The following EVL variants were observed in gnomAD, a reference collection of about 807,000 sequenced individuals.
The protein encoded by EVL is ena/VASP-like protein.
In EVL, 21 loss-of-function variants were observed where a neutral mutation model predicts 59.6. The ratio of observed to expected loss-of-function variants is 0.35; its 90% CI spans 0.25 to 0.51. The LOEUF is 0.51. EVL is among the 20% of genes least tolerant of loss of function. The probability of loss-of-function intolerance (pLI) is 0.97; values close to 1 mark genes in which losing one functional copy is unlikely to be tolerated. For missense variants in EVL, 462 were observed against 546.6 expected, an observed-to-expected ratio of 0.85 and a Z score of 1.54; for synonymous variants, 198 against 203.5, an observed-to-expected ratio of 0.97 and a Z score of 0.23.
intron 1 of EVL, among the ~76,000 whole-genome samples, chr14:100,067,605 A>C (rs1456108748): frequency 6.6e-6 from 1 of 151,872 alleles, no homozygotes; most frequent in Non-Finnish European, 1.5e-5. Flanking sequence ...CACCACACCC[A>C]GCTAGCATTG....
intron 1 of EVL, among the ~76,000 whole-genome samples, chr14:100,081,283 C>T (rs1014250864): frequency 7.2e-5 from 11 of 151,982 alleles, no homozygotes; most frequent in Non-Finnish European, 1.0e-4. Flanking sequence ...GAGGCAATGT[C>T]GAGGTTAGAT....
chr14:100,034,100 G>T (rs991163016), intron 1 of EVL, among the ~76,000 whole-genome samples: 2 of 151,838 alleles, frequency 1.3e-5, no homozygotes, highest in Admixed American at 1.3e-4. Context: ...AACAGGCGTG[G>T]TGATGGGTGC....
chr14:100,099,195 AAAAAG>A (rs1395832513), intron 3 of EVL, among the ~76,000 whole-genome samples: 1 of 151,830 alleles, frequency 6.6e-6, no homozygotes, highest in African/African-American at 2.4e-5. Flanking sequence ...AAAAAAAAAA[AAAAAG>A]AAAAAGTGTG....
chr14:100,002,510 A>G lies in EVL; in HGVS notation c.5+30453A>G, dbSNP rs559287869. Among the ~76,000 whole-genome samples the G allele has an allele frequency of 7.2e-4, 109 of 152,336 alleles. 1 individual carries two copies. Among genetic ancestry groups the G allele is most frequent in the Middle Eastern group, 3.4e-3 (1 of 294 alleles). Reference sequence around the variant, plus strand: ...TTATAGGAGTTTCCTATAATTTTGCAACACATACCAATAACATTTATACAA... The same window carrying G: ...TTATAGGAGTTTCCTATAATTTTGCGACACATACCAATAACATTTATACAA... On this transcript the variant is annotated intron_variant, in intron 1 of 13. Coordinates refer to the EVL transcript ENST00000402714.
At chr14:99,998,207 C>G (rs1377400194) in intron 1 of EVL, among the ~76,000 whole-genome samples, 1 of 151,878 alleles carries the variant, frequency 6.6e-6, no homozygotes, top group African/African-American at 2.4e-5. Flanking sequence ...ATTTGTAGAA[C>G]CATGGACTTA....
At chr14:100,005,101 A>G (rs1017690795) in intron 1 of EVL, among the ~76,000 whole-genome samples, 1 of 152,262 alleles carries the variant, frequency 6.6e-6, no homozygotes, top group South Asian at 2.1e-4. Context: ...TAACAGAGAC[A>G]GTGAAAAAGA....
intron 2 of EVL, among the ~76,000 whole-genome samples, chr14:100,087,130 C>A (rs549427193): frequency 6.6e-6 from 1 of 152,142 alleles, no homozygotes; most frequent in East Asian, 1.9e-4. Context: ...TCTATTATTT[C>A]ATTCTCCCAG....
At chr14:100,133,977 C>T (rs922965488) in intron 8 of EVL, among the ~76,000 whole-genome samples, 5 of 152,132 alleles carry the variant, frequency 3.3e-5, no homozygotes, top group South Asian at 2.1e-4. Context: ...AACAGCCTCC[C>T]GACCCCCAGG....
intron 3 of EVL, chr14:100,106,893 GT>G: frequency 2.5e-6 from 1 of 398,688 alleles, no homozygotes; most frequent in African/African-American, 2.1e-5. Context: ...ATATGACCCA[GT>G]CAGGAAGAGA....
At chr14:100,105,005 C>T (rs982695813) in intron 3 of EVL, among the ~76,000 whole-genome samples, 1 of 145,746 alleles carries the variant, frequency 6.9e-6, no homozygotes. Flanking sequence ...TGTAGAGCCA[C>T]GGGGCCCCAG....
At chr14:100,036,458 A>G (rs1595597104) in intron 1 of EVL, among the ~76,000 whole-genome samples, 1 of 152,204 alleles carries the variant, frequency 6.6e-6, no homozygotes, top group East Asian at 1.9e-4. Flanking sequence ...GAGAAAGGGA[A>G]GTAGAGTTCA....
chr14:100,059,513 C>G (rs1175738902), intron 1 of EVL, among the ~76,000 whole-genome samples: 1 of 152,176 alleles, frequency 6.6e-6, no homozygotes, highest in African/African-American at 2.4e-5. Context: ...GCTGGGTGTG[C>G]ATGTACAGAG....
intron 11 of EVL, 72 bp downstream of exon 11, chr14:100,137,874 C>A (rs1301805984): frequency 7.0e-7 from 1 of 1,425,170 alleles, no homozygotes; most frequent in Non-Finnish European, 9.9e-7. Context: ...CCGTGACTAA[C>A]ACCCTTGCAC....
chr14:100,006,616 C>T (rs1041104294), intron 1 of EVL, among the ~76,000 whole-genome samples: 1 of 151,898 alleles, frequency 6.6e-6, no homozygotes, highest in Non-Finnish European at 1.5e-5. Context: ...CAAGACGAAC[C>T]CCAATTCAGT....
At chr14:100,013,114 G>C (rs1190992) in intron 1 of EVL, among the ~76,000 whole-genome samples, 77,840 of 148,320 alleles carry the variant, frequency 0.52, 23,981 homozygotes, top group African/African-American at 0.83. Flanking sequence ...CCCAGGGACT[G>C]TCTTTGAGGT....
At chr14:100,014,339 A>C (rs954025048) in intron 1 of EVL, among the ~76,000 whole-genome samples, 1 of 152,198 alleles carries the variant, frequency 6.6e-6, no homozygotes, top group Non-Finnish European at 1.5e-5. Context: ...CACAAGTTCA[A>C]TTGTTTTAAT....
intron 1 of EVL, among the ~76,000 whole-genome samples, chr14:100,005,698 T>G (rs2060974465): frequency 6.6e-6 from 1 of 151,150 alleles, no homozygotes; most frequent in Non-Finnish European, 1.5e-5. Context: ...TTAATTAAAC[T>G]GACTTTTAAC....
At chr14:99,979,457 C>G (rs2060792231) in intron 1 of EVL, among the ~76,000 whole-genome samples, 1 of 151,538 alleles carries the variant, frequency 6.6e-6, no homozygotes, top group African/African-American at 2.4e-5. Flanking sequence ...TATTGTTTTT[C>G]TAGAATTTTA....
At chr14:100,091,924 T>C (rs548517394) in intron 2 of EVL, among the ~76,000 whole-genome samples, 1 of 152,256 alleles carries the variant, frequency 6.6e-6, no homozygotes, top group African/African-American at 2.4e-5. Flanking sequence ...GCAGAATTGC[T>C]TGCTTGTTGT....
Sources: allele counts gnomAD v4.1 joint callset (sites outside exome capture counted in the v4.1 genomes callset), GRCh38; gene constraint gnomAD v4.1.1; transcripts MANE v1.5; gene names NCBI Gene and HGNC (gene_info 2026-07-23, HGNC 2026-07-21).